EHMT2: variants seen among roughly 807,000 people sequenced by gnomAD.
The protein encoded by EHMT2 is histone-lysine N-methyltransferase EHMT2.
EHMT2 carries 59 observed loss-of-function variants against 143.3 expected under a neutral mutation model. The observed-to-expected ratio is 0.41, with a 90% CI of 0.33 to 0.51. The LOEUF (loss-of-function observed/expected upper bound fraction) is 0.51, where lower values mean the gene tolerates loss of function less well. Among genes scored for constraint, EHMT2 ranks in the 20% least tolerant of loss-of-function variants. EHMT2 has a pLI of 0.18. For missense variants in EHMT2, 1,174 were observed against 1,645.9 expected (o/e 0.71, Z 4.96); for synonymous variants, 604 against 651.5 (o/e 0.93, Z 1.11).
Position 31,883,691 on chromosome 6 carries a change from G to A in EHMT2, c.2916+115C>T, listed in dbSNP as rs561881932. 2 of 1,435,510 alleles carry A rather than the reference G, an allele frequency of 1.4e-6. No homozygotes were observed. The highest frequency in any genetic ancestry group is 1.9e-6 in the Non-Finnish European group (2 of 1,046,002). 88.9% of individuals were successfully genotyped at this position (1,435,510 alleles called of 1,614,324 possible). A position where few individuals can be genotyped will look rare whatever the true frequency, so the allele number is the denominator to read the frequency against. On this transcript the variant is annotated intron_variant, in intron 22 of 27. Transcript: ENST00000375537. This position sits in a 1 kb window ranked among gnomAD's most constrained non-coding sequence, Gnocchi z 5.6. ...GGTGGGGATGCGACCCCACACCAGG[G>A]CTCCCTTTCAGCCAACCCTTCCTTG... is the stretch of plus-strand genomic sequence containing the variant.
Position 31,883,990 on chromosome 6 carries a change from G to C in EHMT2, c.2772-40C>G, listed in dbSNP as rs368171450. The C allele has an allele frequency of 2.5e-6, 4 of 1,606,236 alleles. No individual in the cohort carries two copies. The South Asian group carries it at 3.3e-5, about 13-fold the overall frequency. ...AAGAAGGGGCTGGGAAGCTGGAAAA[G>C]GGGGTGAGGAGCTACTCCAGGTATA... On this transcript the variant is annotated intron_variant, in intron 21 of 27. Coordinates refer to ENST00000375537, the Ensembl canonical transcript of EHMT2. This position sits in a 1 kb window ranked among gnomAD's most constrained non-coding sequence, Gnocchi z 5.6.
chr6:31,894,424 T>C (rs1057423473), intron 4 of EHMT2, among the ~76,000 whole-genome samples: 1 of 151,624 alleles, frequency 6.6e-6, no homozygotes, highest in Admixed American at 6.6e-5. Flanking sequence ...TGGGATTACA[T>C]GCGTGAGGCA....
chr6:31,889,289 TG>T lies in EHMT2; in HGVS notation c.1052del (p.Pro351HisfsTer3). Reference sequence around the variant, plus strand: ...GCCGTTTCCGAGACGGCTTCACCCATGGGCTGTCTTTTCGCCATTTCTTCTT... The same window carrying T: ...GCCGTTTCCGAGACGGCTTCACCCATGGCTGTCTTTTCGCCATTTCTTCTT... On this transcript the variant is annotated frameshift_variant, in exon 9 of 28. Coordinates refer to ENST00000375537, the Ensembl canonical transcript of EHMT2. LOFTEE classifies it high-confidence loss of function. The surrounding 1 kb of genome is among the most constrained non-coding windows in gnomAD (Gnocchi z 5.1). The T allele has an allele frequency of 1.2e-6, 2 of 1,612,408 alleles. No individual in the cohort carries two copies. Among genetic ancestry groups the T allele is most frequent in the Non-Finnish European group, 1.7e-6 (2 of 1,179,986 alleles).
exon 15 of EHMT2, chr6:31,887,620 C>G: frequency 6.2e-7 from 1 of 1,613,072 alleles, no homozygotes; most frequent in Non-Finnish European, 8.5e-7. Flanking sequence ...GCTTCACGGA[C>G]AGGTACAACT....
chr6:31,882,618 T>C (rs1298639061), intron 25 of EHMT2, 81 bp downstream of exon 25: 2 of 1,364,554 alleles, frequency 1.5e-6, no homozygotes, highest in Admixed American at 3.9e-5. Context: ...TCAGGGCAGA[T>C]GGCTGAGAGG....
chr6:31,895,148 C>T (rs530209519), intron 4 of EHMT2, among the ~76,000 whole-genome samples: 3 of 152,198 alleles, frequency 2.0e-5, no homozygotes, highest in Non-Finnish European at 4.4e-5. Context: ...TCAGGCTCAG[C>T]GAGAAGTCAG....
rs1354771999 is a variant in EHMT2, at chr6:31,880,948, G to A, written c.3276+66C>T. ...CCTCCTCCCCAGGTTTCCATTTGCTGACTTCCCAGAGGCTCCTGAAAGCCA... is the reference window on the plus strand; with the variant it reads ...CCTCCTCCCCAGGTTTCCATTTGCTAACTTCCCAGAGGCTCCTGAAAGCCA... On this transcript the variant is annotated intron_variant, in intron 26 of 27. Transcript: ENST00000375537. This position sits in a 1 kb window ranked among gnomAD's most constrained non-coding sequence, Gnocchi z 6.6. The A allele has an allele frequency of 6.2e-7, 1 of 1,608,730 alleles. No individual in the cohort carries two copies. Among genetic ancestry groups the A allele is most frequent in the Non-Finnish European group, 8.5e-7 (1 of 1,176,494 alleles).
Position 31,889,119 on chromosome 6 carries a change from A to G in EHMT2, c.1115-49T>C. 1 of 1,550,786 alleles carries G rather than the reference A, an allele frequency of 6.4e-7. No homozygotes were observed. The highest frequency in any genetic ancestry group is 1.2e-5 in the South Asian group (1 of 86,006). ...AGAGTGCGAGCTCACAGGTGCCTGG[A>G]CGCGTGGGTACATGCAGGTGGACAT... On this transcript the variant is annotated intron_variant, in intron 9 of 27. Coordinates refer to ENST00000375537, the Ensembl canonical transcript of EHMT2. This position sits in a 1 kb window ranked among gnomAD's most constrained non-coding sequence, Gnocchi z 5.1.
chr6:31,883,504 C>T lies in EHMT2; in HGVS notation c.2917-65G>A, dbSNP rs1764391618. Reference sequence around the variant, plus strand: ...GGTCTGGGCCCCTCTACTCTTGATGCCCCCTGACCCCCTAACCACTGTCCT... The same window carrying T: ...GGTCTGGGCCCCTCTACTCTTGATGTCCCCTGACCCCCTAACCACTGTCCT... On this transcript the variant is annotated intron_variant, in intron 22 of 27. Transcript: ENST00000375537. This position sits in a 1 kb window ranked among gnomAD's most constrained non-coding sequence, Gnocchi z 5.6. 4.1e-6 allele frequency: 6 copies of T among 1,468,512 alleles called. No homozygotes were observed. The highest frequency in any genetic ancestry group is 1.4e-5 in the African/African-American group (1 of 71,696). The allele number at this position is 1,468,512 out of a possible 1,614,324, so 91.0% of individuals were successfully genotyped here.
At position 31,883,693 on chromosome 6, in the gene EHMT2, T is replaced by C. The variant is rs953085001; in HGVS notation, c.2916+113A>G. On this transcript the variant is annotated intron_variant, in intron 22 of 27. Transcript: ENST00000375537. This position sits in a 1 kb window ranked among gnomAD's most constrained non-coding sequence, Gnocchi z 5.6. ...TGGGGATGCGACCCCACACCAGGGC[T>C]CCCTTTCAGCCAACCCTTCCTTGGC... The C allele has an allele frequency of 6.9e-7, 1 of 1,448,142 alleles. No individual in the cohort carries two copies. The highest frequency in any genetic ancestry group is 9.5e-7 in the Non-Finnish European group (1 of 1,057,496). The allele number at this position is 1,448,142 out of a possible 1,614,324, so 89.7% of individuals were successfully genotyped here. A position where few individuals can be genotyped will look rare whatever the true frequency, so the allele number is the denominator to read the frequency against.
Position 31,884,215 on chromosome 6 carries a change from T to C in EHMT2, c.2771+177A>G. ...GAAATTCCAGTTTAACTGGGTGTCTTCTATTTTTATTTGCTGTATCTGGCA... is the reference window on the plus strand; with the variant it reads ...GAAATTCCAGTTTAACTGGGTGTCTCCTATTTTTATTTGCTGTATCTGGCA... On this transcript the variant is annotated intron_variant, in intron 21 of 27. Transcript: ENST00000375537. The surrounding 1 kb of genome is among the most constrained non-coding windows in gnomAD (Gnocchi z 7.3). 1 of 772,588 alleles carries C rather than the reference T, an allele frequency of 1.3e-6. No individual in the cohort carries two copies. Among genetic ancestry groups the C allele is most frequent in the Non-Finnish European group, 2.0e-6 (1 of 496,824 alleles). The allele number at this position is 772,588 out of a possible 1,614,324, so 47.9% of individuals were successfully genotyped here.
rs753812606 is a variant in EHMT2 at position 31,884,923 on chromosome 6, G to A, written c.2437C>T (p.Leu813Phe). The A allele has an allele frequency of 1.2e-6, 2 of 1,605,154 alleles. No homozygotes were observed. Among genetic ancestry groups the A allele is most frequent in the South Asian group, 1.1e-5 (1 of 90,868 alleles). Reference sequence around the variant, plus strand: ...AAACGCTCACTCACGTTGTCAGTGAGGGTGACGTCGGCGCCCCGCGTCAGT... The same window carrying A: ...AAACGCTCACTCACGTTGTCAGTGAAGGTGACGTCGGCGCCCCGCGTCAGT... Residue 813 changes from leucine (L) to phenylalanine (F), a missense_variant, in exon 19 of 28, where the codon CTC becomes TTC. Leu to Phe is a conservative substitution (Grantham distance 22). Around this residue, in one of 6 missense-constraint regions of EHMT2, gnomAD observed 608 missense variants for 903.7 expected, o/e 0.67. Coordinates refer to ENST00000375537, the Ensembl canonical transcript of EHMT2. The surrounding 1 kb of genome is among the most constrained non-coding windows in gnomAD (Gnocchi z 7.3).
At position 31,880,292 on chromosome 6, in the gene EHMT2, G is replaced by C. The variant is rs1034605511; in HGVS notation, c.3453-28C>G. On this transcript the variant is annotated intron_variant, in intron 27 of 27. Coordinates refer to ENST00000375537, the Ensembl canonical transcript of EHMT2. This position sits in a 1 kb window ranked among gnomAD's most constrained non-coding sequence, Gnocchi z 6.6. Reference sequence around the variant, plus strand: ...GTCAGAGGAAAACAGGAGCTTGTGGGACCTGGACCCAGCCACCAAGAGCCC... The same window carrying C: ...GTCAGAGGAAAACAGGAGCTTGTGGCACCTGGACCCAGCCACCAAGAGCCC... The C allele has an allele frequency of 1.3e-6, 2 of 1,597,662 alleles. No individual in the cohort carries two copies. The highest frequency in any genetic ancestry group is 1.3e-5 in the African/African-American group (1 of 74,572).
chr6:31,896,117 G>A, intron 4 of EHMT2, 146 bp downstream of exon 4: 3 of 1,198,120 alleles, frequency 2.5e-6, no homozygotes, highest in Non-Finnish European at 3.5e-6. Flanking sequence ...TTGGTTCACA[G>A]ATCAAGCACA....
exon 18 of EHMT2, chr6:31,886,659 G>C (rs1372776244): frequency 6.2e-7 from 1 of 1,613,770 alleles, no homozygotes; most frequent in African/African-American, 1.3e-5. Flanking sequence ...CTGCGTGGTG[G>C]AGGCAGGTGG....
chr6:31,891,446 G>A (rs918742722), intron 7 of EHMT2, among the ~76,000 whole-genome samples: 5 of 152,184 alleles, frequency 3.3e-5, no homozygotes, highest in African/African-American at 1.2e-4. Context: ...AATCTATATG[G>A]ATATATGTTT....
chr6:31,880,756 C>T lies in EHMT2; in HGVS notation c.3369G>A (p.Arg1123=). ...GCAGGTCTTGGTGCAGCATGAAGACCCGGACGGGAATGATGTTGGGGTCAC... is the reference window on the plus strand; with the variant it reads ...GCAGGTCTTGGTGCAGCATGAAGACTCGGACGGGAATGATGTTGGGGTCAC... The change falls in exon 27 of 28, where the codon CGG becomes CGA. Residue 1123 remains arginine (R), a synonymous_variant. Coordinates refer to ENST00000375537, the Ensembl canonical transcript of EHMT2. The surrounding 1 kb of genome is among the most constrained non-coding windows in gnomAD (Gnocchi z 6.6). The T allele has an allele frequency of 6.2e-7, 1 of 1,613,938 alleles. No homozygotes were observed.
chr6:31,883,216 G>T lies in EHMT2; in HGVS notation c.2994+146C>A. On this transcript the variant is annotated intron_variant, in intron 23 of 27. Coordinates refer to ENST00000375537, the Ensembl canonical transcript of EHMT2. This position sits in a 1 kb window ranked among gnomAD's most constrained non-coding sequence, Gnocchi z 5.6. ...CCATCGCTGTCCCAGCCACATCCCA[G>T]GATTCCCAGGCCTTGCCCAGTCCTC... 1 of 944,984 alleles carries T rather than the reference G, an allele frequency of 1.1e-6. No individual in the cohort carries two copies. The highest frequency in any genetic ancestry group is 1.6e-6 in the Non-Finnish European group (1 of 614,566). The allele number at this position is 944,984 out of a possible 1,614,324, so 58.5% of individuals were successfully genotyped here. A position where few individuals can be genotyped will look rare whatever the true frequency, so the allele number is the denominator to read the frequency against.
chr6:31,880,093 G>C lies in EHMT2; in HGVS notation c.3624C>G (p.Val1208=), dbSNP rs1181432069. The C allele has an allele frequency of 6.2e-7, 1 of 1,612,506 alleles. No individual in the cohort carries two copies. Among genetic ancestry groups the C allele is most frequent in the South Asian group, 1.1e-5 (1 of 91,044 alleles). The stretch of plus-strand genomic sequence containing the variant: ...AGGGTGTGGTCCGTTCTCATGTGTT[G>C]ACAGGGGGCAGGGAGCCGAGCTCGG... Residue 1208 remains valine (V), a synonymous_variant, in exon 28 of 28, where the codon GTC becomes GTG. Transcript: ENST00000375537. This position sits in a 1 kb window ranked among gnomAD's most constrained non-coding sequence, Gnocchi z 6.6.
Sources: gnomAD v4.1 joint callset for allele counts (sites outside exome capture counted in the v4.1 genomes callset) on GRCh38, gnomAD v4.1.1 for gene constraint, gnomAD v4.1.1 regional missense constraint, Gnocchi (gnomAD v3.1) non-coding constraint, MANE v1.5 for transcripts, NCBI Gene and HGNC (gene_info 2026-07-23, HGNC 2026-07-21) for gene names.